Variants in CNST observed in about 807,000 individuals in gnomAD.
CNST encodes the protein consortin.
A neutral mutation model predicts 72.4 loss-of-function variants in CNST; 39 were observed. The ratio of observed to expected loss-of-function variants is 0.54; its 90% CI spans 0.42 to 0.70. The LOEUF (loss-of-function observed/expected upper bound fraction) is 0.70. Among genes scored for constraint, CNST ranks in the 30% least tolerant of loss-of-function variants. The pLI is 0.00. For missense variants in CNST, 871 were observed against 868.5 expected (o/e 1.00, Z -0.04); for synonymous variants, 332 against 320.1 (o/e 1.04, Z -0.40).
In CNST at chr1:246,592,091, C is replaced by T. The variant is rs192002127; in HGVS notation, c.379+150C>T. The T allele has an allele frequency of 7.0e-4, 442 of 630,058 alleles. 2 individuals carry two copies. Among genetic ancestry groups the T allele is most frequent in the Non-Finnish European group, 3.0e-4 (109 of 364,712 alleles). 39.0% of individuals were successfully genotyped at this position (630,058 alleles called of 1,614,324 possible). On this transcript the variant is annotated intron_variant, in intron 2 of 10. Coordinates refer to ENST00000366513, the MANE Select transcript of CNST (RefSeq NM_152609.3). ...GCCGCAGCACAAGTAGATCCAACTGCATGATATTCCAGTGTGATACGTCTC... is the reference window on the plus strand; with the variant it reads ...GCCGCAGCACAAGTAGATCCAACTGTATGATATTCCAGTGTGATACGTCTC...
Position 246,589,222 on chromosome 1 carries a change from G to A in CNST, c.-51-2290G>A, listed in dbSNP as rs564050184. ...GTTGGTGTGCTGCACCCATTAACTC[G>A]TCATCTAGCATTAGGTATATCTCCT... On this transcript the variant is annotated intron_variant, in intron 1 of 10. Transcript: ENST00000366513. 3.2e-4 allele frequency among the ~76,000 whole-genome samples: 48 copies of A among 151,310 alleles called. No homozygotes were observed. In the East Asian group the frequency reaches 6.2e-3, roughly 20 times the overall value.
chr1:246,592,544 T>C (rs1291700207), intron 2 of CNST, among the ~76,000 whole-genome samples: 1 of 152,176 alleles, frequency 6.6e-6, no homozygotes, highest in Non-Finnish European at 1.5e-5. Context: ...GTTTTCACAT[T>C]AGGTACTTTA....
chr1:246,628,932 A>C (rs577184504), intron 3 of CNST, among the ~76,000 whole-genome samples: 2 of 152,340 alleles, frequency 1.3e-5, no homozygotes, highest in South Asian at 4.1e-4. Context: ...CTTGCAATTC[A>C]TTCCAAATCA....
chr1:246,612,024 C>T (rs1017247208), intron 2 of CNST, among the ~76,000 whole-genome samples: 3 of 152,108 alleles, frequency 2.0e-5, no homozygotes, highest in Non-Finnish European at 4.4e-5. Flanking sequence ...TATGATTCCA[C>T]TTATATAAGC....
intron 2 of CNST, among the ~76,000 whole-genome samples, chr1:246,610,471 TTCTG>T (rs1461621444): frequency 1.3e-5 from 2 of 152,244 alleles, no homozygotes; most frequent in Non-Finnish European, 2.9e-5. Context: ...CCGGGATGTT[TTCTG>T]TCTATGTATT....
chr1:246,567,041 C>A (rs531247691), intron 1 of CNST, among the ~76,000 whole-genome samples: 2 of 142,082 alleles, frequency 1.4e-5, no homozygotes, highest in African/African-American at 2.5e-5. Context: ...ATTTCCCCCC[C>A]ACACCTGGTC....
chr1:246,598,064 C>G (rs1035751646), intron 2 of CNST, among the ~76,000 whole-genome samples: 4 of 152,030 alleles, frequency 2.6e-5, no homozygotes, highest in African/African-American at 9.7e-5. Context: ...CAAAAACATC[C>G]TCAAGTTCCC....
chr1:246,649,520 C>A (rs1290730864), intron 9 of CNST, among the ~76,000 whole-genome samples: 1 of 152,120 alleles, frequency 6.6e-6, no homozygotes, highest in Non-Finnish European at 1.5e-5. Flanking sequence ...CAAAAAGTTA[C>A]CATTGTCTGA....
intron 9 of CNST, among the ~76,000 whole-genome samples, chr1:246,648,424 T>C (rs1666256584): frequency 6.6e-6 from 1 of 152,228 alleles, no homozygotes; most frequent in African/African-American, 2.4e-5. Context: ...GATATGTACT[T>C]ACTGTTTCTT....
chr1:246,640,197 A>G (rs894766109), intron 6 of CNST, among the ~76,000 whole-genome samples: 2 of 152,190 alleles, frequency 1.3e-5, no homozygotes, highest in Non-Finnish European at 2.9e-5. Flanking sequence ...CTGATTAGAT[A>G]TTTAAAAATA....
chr1:246,587,895 A>T (rs1191059940), intron 1 of CNST, among the ~76,000 whole-genome samples: 1 of 152,168 alleles, frequency 6.6e-6, no homozygotes, highest in Non-Finnish European at 1.5e-5. Context: ...TCGGAATATG[A>T]GTCACATAGT....
intron 2 of CNST, among the ~76,000 whole-genome samples, chr1:246,618,304 C>G (rs1277729447): frequency 1.3e-5 from 2 of 152,180 alleles, no homozygotes; most frequent in African/African-American, 4.8e-5. Context: ...AATCGAAGGT[C>G]TCTTGGAAAA....
At chr1:246,605,138 G>A (rs1392720145) in intron 2 of CNST, among the ~76,000 whole-genome samples, 1 of 152,156 alleles carries the variant, frequency 6.6e-6, no homozygotes, top group Non-Finnish European at 1.5e-5. Context: ...AGTGTGCTTG[G>A]AATGAACAGG....
At chr1:246,663,955 A>T (rs1397880528) in intron 10 of CNST, among the ~76,000 whole-genome samples, 1 of 152,196 alleles carries the variant, frequency 6.6e-6, no homozygotes, top group African/African-American at 2.4e-5. Context: ...TTGCGTTTTT[A>T]CAGGGAGAAT....
intron 2 of CNST, among the ~76,000 whole-genome samples, chr1:246,592,976 G>T (rs1334303127): frequency 6.6e-6 from 1 of 152,122 alleles, no homozygotes; most frequent in Non-Finnish European, 1.5e-5. Flanking sequence ...CCCTAGACTG[G>T]ATTCCTTAGT....
intron 2 of CNST, among the ~76,000 whole-genome samples, chr1:246,620,619 G>C (rs1664009404): frequency 7.6e-6 from 1 of 131,284 alleles, no homozygotes; most frequent in African/African-American, 3.0e-5. Context: ...ACACACGATG[G>C]GCTCTGGGAA....
At chr1:246,579,430 T>C (rs1660648181) in intron 1 of CNST, among the ~76,000 whole-genome samples, 1 of 152,256 alleles carries the variant, frequency 6.6e-6, no homozygotes. Flanking sequence ...ATTATTGAAC[T>C]CTTAGTGCTA....
At position 246,598,865 on chromosome 1, in the gene CNST, T is replaced by C. The variant is rs140577910; in HGVS notation, c.379+6924T>C. 4.1e-3 allele frequency among the ~76,000 whole-genome samples: 629 copies of C among 152,344 alleles called. 1 individual carries two copies. Among genetic ancestry groups the C allele is most frequent in the Middle Eastern group, 0.01 (3 of 294 alleles). ...TAACCCATTCTACTCACTAGGTAGA[T>C]AGACGGACAGTTTAACTCCCTTAGG... On this transcript the variant is annotated intron_variant, in intron 2 of 10. Coordinates refer to ENST00000366513, the MANE Select transcript of CNST (RefSeq NM_152609.3).
In CNST at chr1:246,665,685, T is replaced by G; in HGVS notation, c.1973-15T>G. 1 of 1,609,166 alleles carries G rather than the reference T, an allele frequency of 6.2e-7. No individual in the cohort carries two copies. The highest frequency in any genetic ancestry group is 1.3e-5 in the African/African-American group (1 of 74,922). ...TTCGGTGACAATGTAACCTCACTCT[T>G]TCTCATGTTTGCAGATGAAGTTGGA... On this transcript the variant is annotated splice_polypyrimidine_tract_variant and intron_variant, in intron 10 of 10. Transcript: ENST00000366513.
Sources: allele counts gnomAD v4.1 joint callset (sites outside exome capture counted in the v4.1 genomes callset), GRCh38; gene constraint gnomAD v4.1.1; transcripts MANE v1.5; gene names NCBI Gene and HGNC (gene_info 2026-07-23, HGNC 2026-07-21).